Variants in ARHGAP26 observed in about 807,000 individuals in gnomAD.
The protein encoded by ARHGAP26 is rho GTPase-activating protein 26.
In ARHGAP26, 38 loss-of-function variants were observed where a neutral mutation model predicts 104.8. The ratio of observed to expected loss-of-function variants is 0.36; its 90% CI spans 0.28 to 0.48. The LOEUF (loss-of-function observed/expected upper bound fraction) is 0.48, where lower values mean the gene tolerates loss of function less well. ARHGAP26 is among the 20% of genes least tolerant of loss of function. The pLI is 0.99. For synonymous variants in ARHGAP26, 341 were observed against 340.0 expected, an observed-to-expected ratio of 1.00 and a Z score of -0.03; for missense variants, 704 against 947.9, an observed-to-expected ratio of 0.74 and a Z score of 3.38.
chr5:142,808,801 C>T (rs1040326015), intron 1 of ARHGAP26, among the ~76,000 whole-genome samples: 7 of 152,098 alleles, frequency 4.6e-5, no homozygotes, highest in Admixed American at 2.0e-4. Flanking sequence ...TCTATCACCG[C>T]GGAGTGTACC....
intron 21 of ARHGAP26, 22 bp from the exon 22 acceptor site, chr5:143,213,971 TTAAA>T (rs1809922279): frequency 6.8e-7 from 1 of 1,477,946 alleles, no homozygotes; most frequent in Non-Finnish European, 9.3e-7. Context: ...TTCAAAAATG[TTAAA>T]TAAACTCCTG....
At chr5:143,202,237 A>G (rs961942504) in intron 20 of ARHGAP26, 25 of 149,226 alleles carry the variant, frequency 1.7e-4, no homozygotes, top group African/African-American at 5.8e-4. Context: ...TAAGTGTTTT[A>G]TCAGAGACTA....
intron 20 of ARHGAP26, among the ~76,000 whole-genome samples, chr5:143,187,282 ATTG>A (rs1805296834): frequency 6.6e-6 from 1 of 152,212 alleles, no homozygotes; most frequent in Non-Finnish European, 1.5e-5. Context: ...TCTTAAGAAT[ATTG>A]TTTTCTTTTA....
At chr5:142,972,537 TTTA>T (rs1772440306) in intron 11 of ARHGAP26, among the ~76,000 whole-genome samples, 2 of 152,172 alleles carry the variant, frequency 1.3e-5, no homozygotes, top group African/African-American at 4.8e-5. Context: ...AAAAATAACT[TTTA>T]TTTTGTGTGT....
chr5:142,848,461 A>G (rs185207), intron 1 of ARHGAP26, among the ~76,000 whole-genome samples: 44,522 of 152,030 alleles, frequency 0.29, 9,034 homozygotes, highest in East Asian at 0.64. Context: ...ACTCCCTTCC[A>G]GTTCTTCCTT....
rs755704714 is a variant in ARHGAP26, at chr5:142,923,068, A to G, written c.1029-8979A>G. Among the ~76,000 whole-genome samples, 21 of 148,206 alleles carry G rather than the reference A, an allele frequency of 1.4e-4. No homozygotes were observed. The East Asian group carries it at 1.8e-3, about 13-fold the overall frequency. Reference sequence around the variant, plus strand: ...GTTCTTGGAGTCTTAGAATTCATGTAGTTTGAACTTGTCATGGAGTTTTTT... The same window carrying G: ...GTTCTTGGAGTCTTAGAATTCATGTGGTTTGAACTTGTCATGGAGTTTTTT... On this transcript the variant is annotated intron_variant, in intron 10 of 22. Transcript: ENST00000645722.
rs116795029 is a variant in ARHGAP26 at position 142,884,944 on chromosome 5, C to A, written c.385-354C>A. Among the ~76,000 whole-genome samples, 310 of 152,330 alleles carry A rather than the reference C, an allele frequency of 2.0e-3. 3 individuals are homozygous for A. The highest frequency in any genetic ancestry group is 7.1e-3 in the African/African-American group (295 of 41,568). On this transcript the variant is annotated intron_variant, in intron 4 of 22. Coordinates refer to ENST00000645722, the MANE Select transcript of ARHGAP26 (RefSeq NM_001135608.3). ...GTTAGCTTCATAGGTACCCCCACTG[C>A]TGCTGCTCCCCAGCCCCCAACCCCT...
At chr5:142,864,698 G>A (rs1366249993) in intron 1 of ARHGAP26, among the ~76,000 whole-genome samples, 2 of 152,348 alleles carry the variant, frequency 1.3e-5, no homozygotes, top group East Asian at 3.9e-4. Flanking sequence ...GGGAAGGAAA[G>A]CAAGGCAGGG....
intron 11 of ARHGAP26, among the ~76,000 whole-genome samples, chr5:142,982,257 G>A (rs922888003): frequency 2.0e-5 from 3 of 152,238 alleles, no homozygotes; most frequent in African/African-American, 7.2e-5. Flanking sequence ...GCTAGCCCAG[G>A]CAAACTCGCT....
intron 1 of ARHGAP26, among the ~76,000 whole-genome samples, chr5:142,844,245 T>G (rs1334560758): frequency 6.6e-6 from 1 of 151,868 alleles, no homozygotes; most frequent in Non-Finnish European, 1.5e-5. Flanking sequence ...GAGATGGGGT[T>G]TCGCCATATC....
intron 22 of ARHGAP26, among the ~76,000 whole-genome samples, chr5:143,220,476 CTTG>C (rs1258108515): frequency 1.3e-5 from 2 of 152,196 alleles, no homozygotes; most frequent in East Asian, 3.8e-4. Flanking sequence ...GGAAGAGGGT[CTTG>C]TTGTCACCAG....
chr5:142,897,657 A>G (rs1759661683), intron 6 of ARHGAP26, among the ~76,000 whole-genome samples: 1 of 152,240 alleles, frequency 6.6e-6, no homozygotes, highest in African/African-American at 2.4e-5. Context: ...AACATGAAAT[A>G]ACAATTGATG....
At chr5:143,017,258 A>G (rs1172116015) in intron 12 of ARHGAP26, among the ~76,000 whole-genome samples, 3 of 152,240 alleles carry the variant, frequency 2.0e-5, no homozygotes, top group Non-Finnish European at 4.4e-5. Flanking sequence ...TTTCATCTCG[A>G]AGTTTCTCTC....
rs1253339847 is a variant in ARHGAP26, at chr5:143,108,176, T to TA, written c.1539-12811dup. ...CCACAGAGTTTCAGGAGGAGAGGGA[T>TA]ATAAAGGTGTAATCAATTCAGATTG... On this transcript the variant is annotated intron_variant, in intron 17 of 22. Coordinates refer to ENST00000645722, the MANE Select transcript of ARHGAP26 (RefSeq NM_001135608.3). Among the ~76,000 whole-genome samples the TA allele has an allele frequency of 2.0e-5, 3 of 152,350 alleles. No individual in the cohort carries two copies. The East Asian group carries it at 5.8e-4, about 29-fold the overall frequency.
intron 1 of ARHGAP26, chr5:142,771,360 C>G: frequency 8.1e-7 from 1 of 1,232,082 alleles, no homozygotes; most frequent in Non-Finnish European, 1.0e-6. Context: ...GGGGCGCTGC[C>G]TCCCCTTGGG....
At chr5:142,924,108 C>T (rs1044149060) in intron 10 of ARHGAP26, among the ~76,000 whole-genome samples, 6 of 152,160 alleles carry the variant, frequency 3.9e-5, no homozygotes, top group East Asian at 1.9e-4. Context: ...GCGATCCACC[C>T]GCCTCGGCAT....
chr5:143,036,390 G>T (rs553613633), intron 12 of ARHGAP26, among the ~76,000 whole-genome samples: 1 of 152,276 alleles, frequency 6.6e-6, no homozygotes, highest in South Asian at 2.1e-4. Flanking sequence ...GGAAGAAGTT[G>T]CTGCTGTTGA....
At chr5:142,887,994 A>C (rs1562019277) in intron 5 of ARHGAP26, among the ~76,000 whole-genome samples, 1 of 152,164 alleles carries the variant, frequency 6.6e-6, no homozygotes. Flanking sequence ...ACATCAAAAA[A>C]CAAACAAAAA....
At chr5:142,996,024 C>T (rs529981306) in intron 11 of ARHGAP26, among the ~76,000 whole-genome samples, 2 of 152,136 alleles carry the variant, frequency 1.3e-5, no homozygotes, top group South Asian at 4.2e-4. Context: ...GGGAACATAA[C>T]ATACCGGGGC....
Sources: gnomAD v4.1 joint callset for allele counts (sites outside exome capture counted in the v4.1 genomes callset) on GRCh38, gnomAD v4.1.1 for gene constraint, MANE v1.5 for transcripts, NCBI Gene and HGNC (gene_info 2026-07-23, HGNC 2026-07-21) for gene names.